SUGCT: variants seen among roughly 807,000 people sequenced by gnomAD.
The protein encoded by SUGCT is succinyl-CoA:glutarate-CoA transferase.
SUGCT carries 41 observed loss-of-function variants against 55.0 expected under a neutral mutation model. The ratio of observed to expected loss-of-function variants is 0.74; its 90% CI spans 0.58 to 0.97. The LOEUF (loss-of-function observed/expected upper bound fraction) is 0.97, where lower values mean the gene tolerates loss of function less well. Ranked by LOEUF, SUGCT falls within the 50% of genes least tolerant of loss-of-function variation. The pLI is 0.00. For synonymous variants in SUGCT, 187 were observed against 200.4 expected, an observed-to-expected ratio of 0.93 and a Z score of 0.56; for missense variants, 568 against 547.8, an observed-to-expected ratio of 1.04 and a Z score of -0.37.
chr7:40,408,011 A>G (rs1057088888), intron 9 of SUGCT, among the ~76,000 whole-genome samples: 2 of 152,172 alleles, frequency 1.3e-5, no homozygotes, highest in African/African-American at 4.8e-5. Context: ...CATTCAGATT[A>G]AATGTACTTT....
intron 6 of SUGCT, among the ~76,000 whole-genome samples, chr7:40,236,173 T>G (rs926714568): frequency 6.6e-6 from 1 of 152,098 alleles, no homozygotes. Context: ...TTCTCCTGCC[T>G]CAGCCTCCCC....
intron 12 of SUGCT, chr7:40,547,051 AC>A (rs1437222281): frequency 6.6e-6 from 1 of 152,056 alleles, no homozygotes; most frequent in Non-Finnish European, 1.5e-5. Flanking sequence ...CCTGACAACT[AC>A]AGAAGAGACT....
intron 9 of SUGCT, among the ~76,000 whole-genome samples, chr7:40,354,019 G>A (rs1468682792): frequency 6.6e-6 from 1 of 152,146 alleles, no homozygotes; most frequent in Non-Finnish European, 1.5e-5. Flanking sequence ...ATAGATAGAT[G>A]TATTAGTTTA....
the SUGCT span, among the ~76,000 whole-genome samples, chr7:40,896,809 A>T: frequency 0.034 from 5,116 of 152,300 alleles, 115 homozygotes; most frequent in Middle Eastern, 0.065. Context: ...ATTTAACGCA[A>T]TCCCAATGAA....
At chr7:40,339,256 C>T (rs1796908378) in intron 9 of SUGCT, among the ~76,000 whole-genome samples, 1 of 152,162 alleles carries the variant, frequency 6.6e-6, no homozygotes. Context: ...TTGGGAGAAC[C>T]ACTGTTCTCT....
At chr7:40,625,724 C>T (rs532400346) in intron 12 of SUGCT, among the ~76,000 whole-genome samples, 8 of 152,210 alleles carry the variant, frequency 5.3e-5, no homozygotes, top group South Asian at 2.1e-4. Flanking sequence ...ATCCCCCAGC[C>T]CCTGCAACAT....
intron 9 of SUGCT, among the ~76,000 whole-genome samples, chr7:40,371,882 T>C (rs913285166): frequency 1.3e-5 from 2 of 152,058 alleles, no homozygotes; most frequent in African/African-American, 2.4e-5. Context: ...GGAATTTCTT[T>C]CTAATCCTTT....
chr7:40,760,878 T>C (rs1007878242), intron 13 of SUGCT, among the ~76,000 whole-genome samples: 11 of 152,152 alleles, frequency 7.2e-5, no homozygotes, highest in East Asian at 3.9e-4. Flanking sequence ...AATAATTAAA[T>C]AATAATAAAT....
chr7:40,232,965 T>G (rs1788799573), intron 6 of SUGCT, among the ~76,000 whole-genome samples: 1 of 152,164 alleles, frequency 6.6e-6, no homozygotes, highest in South Asian at 2.1e-4. Context: ...AAAGGAACTA[T>G]CTGGATCCCA....
intron 12 of SUGCT, among the ~76,000 whole-genome samples, chr7:40,739,996 G>T (rs1787378407): frequency 6.6e-6 from 1 of 152,028 alleles, no homozygotes; most frequent in Non-Finnish European, 1.5e-5. Context: ...ATACATTTTG[G>T]GAGAATTGGG....
chr7:40,213,867 C>G (rs1787480046), intron 6 of SUGCT, among the ~76,000 whole-genome samples: 1 of 152,136 alleles, frequency 6.6e-6, no homozygotes, highest in African/African-American at 2.4e-5. Context: ...TTCTGACATG[C>G]CTCTATCCTT....
intron 13 of SUGCT, among the ~76,000 whole-genome samples, chr7:40,804,906 T>C (rs1196493715): frequency 2.6e-5 from 4 of 152,234 alleles, no homozygotes; most frequent in African/African-American, 9.6e-5. Flanking sequence ...AAGAAAACAT[T>C]TGGGGGAGGG....
At chr7:40,175,386 C>G (rs1389447319) in intron 1 of SUGCT, among the ~76,000 whole-genome samples, 1 of 151,978 alleles carries the variant, frequency 6.6e-6, no homozygotes, top group Non-Finnish European at 1.5e-5. Context: ...TGCCCAGCTG[C>G]TTTTTGTATT....
At chr7:40,400,444 C>CT (rs1786001860) in intron 9 of SUGCT, among the ~76,000 whole-genome samples, 1 of 152,218 alleles carries the variant, frequency 6.6e-6, no homozygotes, top group Non-Finnish European at 1.5e-5. Context: ...TGCATGTATC[C>CT]TTTTAATATA....
At chr7:40,446,354 C>T (rs995250120) in intron 9 of SUGCT, among the ~76,000 whole-genome samples, 3 of 152,064 alleles carry the variant, frequency 2.0e-5, no homozygotes, top group African/African-American at 7.2e-5. Context: ...CCCTTCTCCA[C>T]AAAAAAGCAA....
chr7:40,820,303 A>G (rs1031240483), intron 13 of SUGCT, among the ~76,000 whole-genome samples: 2 of 152,250 alleles, frequency 1.3e-5, no homozygotes, highest in African/African-American at 4.8e-5. Flanking sequence ...TCTGTGAAGA[A>G]AGTCATTGGT....
intron 7 of SUGCT, among the ~76,000 whole-genome samples, chr7:40,254,781 C>G (rs1391675834): frequency 1.3e-5 from 2 of 151,846 alleles, no homozygotes; most frequent in Non-Finnish European, 2.9e-5. Flanking sequence ...CTCTATCATT[C>G]AAATGCCTTT....
At chr7:40,159,320 G>C (rs990552917) in intron 1 of SUGCT, among the ~76,000 whole-genome samples, 9 of 151,986 alleles carry the variant, frequency 5.9e-5, no homozygotes, top group Non-Finnish European at 1.2e-4. Flanking sequence ...AAGAGGTCTG[G>C]TTTCTGTGAC....
intron 12 of SUGCT, among the ~76,000 whole-genome samples, chr7:40,531,438 A>G (rs897855337): frequency 7.9e-5 from 12 of 151,368 alleles, no homozygotes; most frequent in African/African-American, 2.4e-4. Context: ...TTGTCTCTTC[A>G]TGGTCCTTTT....
Sources: gnomAD v4.1 joint callset for allele counts (sites outside exome capture counted in the v4.1 genomes callset) on GRCh38, gnomAD v4.1.1 for gene constraint, MANE v1.5 for transcripts, NCBI Gene and HGNC (gene_info 2026-07-23, HGNC 2026-07-21) for gene names.